The following CLSTN1 variants were observed in gnomAD, a reference collection of about 807,000 sequenced individuals.
CLSTN1 encodes the protein calsyntenin 1.
CLSTN1 carries 28 observed loss-of-function variants against 108.3 expected under a neutral mutation model. The observed-to-expected ratio is 0.26, with a 90% CI of 0.19 to 0.35. CLSTN1 has a LOEUF of 0.35. CLSTN1 is among the 10% of genes least tolerant of loss of function. The pLI is 1.00. For synonymous variants in CLSTN1, 524 were observed against 534.9 expected, an observed-to-expected ratio of 0.98 and a Z score of 0.28; for missense variants, 1,157 against 1,302.6, an observed-to-expected ratio of 0.89 and a Z score of 1.72.
At chr1:9,739,819 T>TC (rs1291336301) in intron 10 of CLSTN1, among the ~76,000 whole-genome samples, 1 of 148,998 alleles carries the variant, frequency 6.7e-6, no homozygotes, top group East Asian at 1.9e-4. Context: ...AGGGCATTTT[T>TC]TTTTTTTTTT....
rs746606880 is a variant in CLSTN1, at chr1:9,735,627, C to T, written c.1735-12G>A. 1.1e-5 allele frequency: 18 copies of T among 1,614,054 alleles called. No individual in the cohort carries two copies. The Admixed American group carries it at 2.3e-4, about 21-fold the overall frequency. ...GGGTGTGCTTGGATCTGAAATCACA[C>T]CAGCCACAGAGAGGAGAAGAATAAG... On this transcript the variant is annotated splice_polypyrimidine_tract_variant and intron_variant, in intron 12 of 18. Coordinates refer to ENST00000377298, the MANE Select transcript of CLSTN1 (RefSeq NM_001009566.3).
chr1:9,734,939 G>A lies in CLSTN1; in HGVS notation c.2110+9C>T, dbSNP rs1017926249. ...GGCGAGGGAGCCCGCGCCCCACAGA[G>A]CACATTACCTGTGGGGTCCTCAGCC... On this transcript the variant is annotated intron_variant, in intron 14 of 18. Transcript: ENST00000377298. This position sits in a 1 kb window ranked among gnomAD's most constrained non-coding sequence, Gnocchi z 4.8. 6.2e-7 allele frequency: 1 copy of A among 1,609,736 alleles called. No homozygotes were observed. Among genetic ancestry groups the A allele is most frequent in the Non-Finnish European group, 8.5e-7 (1 of 1,176,012 alleles).
At chr1:9,794,045 A>C (rs1055610353) in intron 1 of CLSTN1, among the ~76,000 whole-genome samples, 1 of 151,306 alleles carries the variant, frequency 6.6e-6, no homozygotes, top group Non-Finnish European at 1.5e-5. Flanking sequence ...TAGTTCAATA[A>C]ACTAATTGGA....
intron 2 of CLSTN1, among the ~76,000 whole-genome samples, chr1:9,757,298 G>A (rs1651863011): frequency 1.3e-5 from 2 of 149,822 alleles, no homozygotes; most frequent in South Asian, 4.2e-4. Flanking sequence ...CTGGAGTGCA[G>A]TGGCGTGATC....
At chr1:9,773,729 T>C (rs935923715) in intron 1 of CLSTN1, among the ~76,000 whole-genome samples, 1 of 152,042 alleles carries the variant, frequency 6.6e-6, no homozygotes, top group Non-Finnish European at 1.5e-5. Context: ...AAGAAAGGTA[T>C]TTTCACTTCT....
rs199844719 is a variant in CLSTN1, at chr1:9,809,405, T to C, written c.91+14238A>G. On this transcript the variant is annotated intron_variant, in intron 1 of 18. Transcript: ENST00000377298. ...TGTGCACACCACTCTGCACCGTGCA[T>C]TCCTGAAGATAACATGAACGGCCTC... Among the ~76,000 whole-genome samples, 7 of 152,306 alleles carry C rather than the reference T, an allele frequency of 4.6e-5. No homozygotes were observed. The East Asian group carries it at 1.4e-3, about 29-fold the overall frequency.
chr1:9,762,504 C>T (rs1652126189), intron 2 of CLSTN1, among the ~76,000 whole-genome samples: 1 of 151,826 alleles, frequency 6.6e-6, no homozygotes, highest in Non-Finnish European at 1.5e-5. Flanking sequence ...CAAGCAGCGA[C>T]TATCCACTTC....
At chr1:9,776,841 TTATC>T (rs1311586424) in intron 1 of CLSTN1, among the ~76,000 whole-genome samples, 6 of 150,626 alleles carry the variant, frequency 4.0e-5, no homozygotes, top group Non-Finnish European at 7.4e-5. Context: ...CTATCAGCAT[TTATC>T]TATCATCTAT....
At chr1:9,803,400 C>T (rs1415376976) in intron 1 of CLSTN1, among the ~76,000 whole-genome samples, 1 of 152,160 alleles carries the variant, frequency 6.6e-6, no homozygotes, top group Non-Finnish European at 1.5e-5. Flanking sequence ...GGTACAGGCC[C>T]ACGCACAGAT....
rs1653733012 is a variant in CLSTN1, at chr1:9,790,840, A to G, written c.92-17446T>C. On this transcript the variant is annotated intron_variant, in intron 1 of 18. Coordinates refer to ENST00000377298, the MANE Select transcript of CLSTN1 (RefSeq NM_001009566.3). ...AATGTGCTTTTAAAAATTAGGATTAAAAAAAAAACAGGGCCGGGCGCGGCG... is the reference window on the plus strand; with the variant it reads ...AATGTGCTTTTAAAAATTAGGATTAGAAAAAAAACAGGGCCGGGCGCGGCG... Among the ~76,000 whole-genome samples the G allele has an allele frequency of 2.7e-5, 4 of 150,208 alleles. 1 individual carries two copies. The South Asian group carries it at 8.8e-4, about 33-fold the overall frequency.
At chr1:9,733,871 A>T in intron 15 of CLSTN1, 101 bp downstream of exon 15, 1 of 1,267,218 alleles carries the variant, frequency 7.9e-7, no homozygotes, top group Admixed American at 2.1e-5. Context: ...TCCCTCTAAG[A>T]TAACTCAACA....
rs774938211 is a variant in CLSTN1, at chr1:9,739,408, G to A, written c.1519+1686C>T. 1.1e-4 allele frequency among the ~76,000 whole-genome samples: 16 copies of A among 152,174 alleles called. 1 individual carries two copies. The highest frequency in any genetic ancestry group is 2.2e-4 in the Non-Finnish European group (15 of 68,044). On this transcript the variant is annotated intron_variant, in intron 10 of 18. Transcript: ENST00000377298. ...CTGGTGTTACTGTTTCACAAATGTA[G>A]TATTTCAGGATGTTAATAACTATAT... is the stretch of plus-strand genomic sequence containing the variant.
chr1:9,813,116 G>C (rs1215186782), intron 1 of CLSTN1, among the ~76,000 whole-genome samples: 5 of 152,156 alleles, frequency 3.3e-5, no homozygotes, highest in Non-Finnish European at 5.9e-5. Context: ...AGTGAGCCGA[G>C]AGTACACCAC....
At position 9,751,497 on chromosome 1, in the gene CLSTN1, C is replaced by A. The variant is rs577670142; in HGVS notation, c.625G>T (p.Val209Leu). ...ICSYEIITPD[V>L]PFTVDKDGYI... ...CCATCTTTGTCAACAGTAAAGGGCA[C>A]GTCTGGAGTGATGATTTCGTAGCTG... Residue 209 changes from valine to leucine, a missense_variant, in exon 5 of 19, where the codon GTG becomes TTG. Val to Leu is a conservative substitution (Grantham distance 32). Transcript: ENST00000377298. 6.2e-7 allele frequency: 1 copy of A among 1,614,084 alleles called. No homozygotes were observed. The highest frequency in any genetic ancestry group is 8.5e-7 in the Non-Finnish European group (1 of 1,180,020).
chr1:9,810,334 G>GGC (rs1296666690), intron 1 of CLSTN1, among the ~76,000 whole-genome samples: 5 of 149,672 alleles, frequency 3.3e-5, no homozygotes, highest in African/African-American at 1.2e-4. Flanking sequence ...AAATTAGTCA[G>GGC]GTGTGGGAGT....
At chr1:9,783,731 G>A (rs915563621) in intron 1 of CLSTN1, among the ~76,000 whole-genome samples, 24 of 151,958 alleles carry the variant, frequency 1.6e-4, no homozygotes, top group Non-Finnish European at 2.9e-4. Flanking sequence ...AGTGGCTCAC[G>A]CCTGTAATAC....
intron 4 of CLSTN1, among the ~76,000 whole-genome samples, chr1:9,754,302 C>T (rs1466553888): frequency 6.6e-6 from 1 of 152,140 alleles, no homozygotes; most frequent in Non-Finnish European, 1.5e-5. Context: ...TGGCTCACGC[C>T]TGTAATCCTA....
At chr1:9,824,071 C>G (rs1489174540), upstream of CLSTN1, 1 of 145,096 alleles carries the variant, frequency 6.9e-6, no homozygotes, top group African/African-American at 2.5e-5. This position sits in a 1 kb window ranked among gnomAD's most constrained non-coding sequence, Gnocchi z 5.0. Context: ...GCGCGGCGGA[C>G]CCTGGGAGCG....
At chr1:9,766,936 T>G (rs563340989) in intron 2 of CLSTN1, among the ~76,000 whole-genome samples, 1 of 152,194 alleles carries the variant, frequency 6.6e-6, no homozygotes, top group Admixed American at 6.5e-5. Context: ...ATTTCAGAGC[T>G]CTAACAAGTG....
Sources: allele counts gnomAD v4.1 joint callset (sites outside exome capture counted in the v4.1 genomes callset), GRCh38; gene constraint gnomAD v4.1.1; non-coding constraint Gnocchi (gnomAD v3.1); transcripts MANE v1.5; gene names NCBI Gene and HGNC (gene_info 2026-07-23, HGNC 2026-07-21).